Variants in MSL3 observed in about 807,000 individuals in gnomAD.
MSL3 encodes MSL3-like 1.
MSL3 carries 5 observed loss-of-function variants against 37.2 expected under a neutral mutation model. The ratio of observed to expected loss-of-function variants is 0.13; its 90% CI spans 0.07 to 0.28. MSL3 has a LOEUF of 0.28. Ranked by LOEUF, MSL3 falls within the 10% of genes least tolerant of loss-of-function variation. The pLI is 1.00. For synonymous variants in MSL3, 149 were observed against 147.6 expected (o/e 1.01, Z -0.07); for missense variants, 315 against 408.5 (o/e 0.77, Z 1.97).
At chrX:11,760,775 G>T (rs749140252) in intron 3 of MSL3, 62 bp from the exon 4 acceptor site, 2 of 873,866 alleles carry the variant, frequency 2.3e-6, no homozygotes, top group African/African-American at 2.1e-5. Flanking sequence ...ATCTTGTTTT[G>T]ATCTCAAGAC....
Position 11,772,670 on chromosome X carries a change from G to A in MSL3, c.1431G>A (p.Leu477=), listed in dbSNP as rs758951175. Residue 477 remains leucine, a synonymous_variant, in exon 12 of 13, where the codon CTG becomes CTA. Coordinates refer to ENST00000312196, the MANE Select transcript of MSL3 (RefSeq NM_078629.4). ...LGKMSFSEKN[L]KALLKHFDLF... ...AGATGTCCTTTTCTGAGAAGAATCT[G>A]AAGGCTTTATTGAAGCACTTTGATC... The A allele has an allele frequency of 8.4e-7, 1 of 1,193,491 alleles. No individual in the cohort carries two copies. Among genetic ancestry groups the A allele is most frequent in the Non-Finnish European group, 1.1e-6 (1 of 881,933 alleles).
intron 1 of MSL3, 157 bp from the exon 2 acceptor site, chrX:11,759,633 TGGG>T: frequency 9.2e-7 from 1 of 1,091,250 alleles, no homozygotes; most frequent in Non-Finnish European, 1.2e-6. Context: ...GGCGTCCACT[TGGG>T]GGAAAAAAAT....
intron 10 of MSL3, 95 bp downstream of exon 10, chrX:11,768,777 G>A (rs2053207541): frequency 1.7e-6 from 1 of 574,073 alleles, no homozygotes; most frequent in South Asian, 2.7e-5. Flanking sequence ...GCATCATGTT[G>A]CTGCTATTAC....
At chrX:11,771,613 C>G (rs951422838) in intron 10 of MSL3, among the ~76,000 whole-genome samples, 2 of 112,552 alleles carry the variant, frequency 1.8e-5, no homozygotes, top group Non-Finnish European at 3.8e-5. Context: ...GAGTTTCACT[C>G]TTGTTGCCCA....
chrX:11,767,871 T>G, intron 9 of MSL3: 2 of 753,825 alleles, frequency 2.7e-6, no homozygotes, highest in Non-Finnish European at 3.1e-6. Flanking sequence ...ATGTAAGTGG[T>G]TAATAAGGAT....
intron 5 of MSL3, 103 bp from the exon 6 acceptor site, chrX:11,762,027 A>G: frequency 3.2e-6 from 2 of 631,151 alleles, no homozygotes; most frequent in Non-Finnish European, 4.7e-6. Context: ...GTGGCATACT[A>G]TGATTGTTGA....
intron 10 of MSL3, among the ~76,000 whole-genome samples, chrX:11,769,442 C>T (rs1427190049): frequency 8.9e-6 from 1 of 112,155 alleles, no homozygotes. Flanking sequence ...TTTTTAAGGC[C>T]CATTAGGTGA....
chrX:11,760,121 T>C, intron 2 of MSL3: 1 of 386,750 alleles, frequency 2.6e-6, no homozygotes, highest in East Asian at 4.2e-5. Flanking sequence ...GTTTGATTCA[T>C]TTCCTGTTTT....
At chrX:11,762,760 C>A in intron 6 of MSL3, 77 bp from the exon 7 acceptor site, 1 of 965,240 alleles carries the variant, frequency 1.0e-6, no homozygotes, top group Non-Finnish European at 1.4e-6. Flanking sequence ...ATGATACAGA[C>A]ATGACCAGTG....
chrX:11,775,505 T>G lies in MSL3; in HGVS notation c.*426T>G, dbSNP rs894851223. Reference sequence around the variant, plus strand: ...CTGTCCAAAAAGGTTTAGTTTGTACTCGGAAACCACAAAGTAGTCTCAAAG... The same window carrying G: ...CTGTCCAAAAAGGTTTAGTTTGTACGCGGAAACCACAAAGTAGTCTCAAAG... On this transcript the variant is annotated 3_prime_UTR_variant, in exon 13 of 13. Coordinates refer to ENST00000312196, the MANE Select transcript of MSL3 (RefSeq NM_078629.4). 3 of 115,483 alleles carry G rather than the reference T, an allele frequency of 2.6e-5. No individual in the cohort carries two copies. Among genetic ancestry groups the G allele is most frequent in the African/African-American group, 9.6e-5 (3 of 31,094 alleles). 9.5% of individuals were successfully genotyped at this position (115,483 alleles called of 1,213,427 possible). A position where few individuals can be genotyped will look rare whatever the true frequency, so the allele number is the denominator to read the frequency against.
intron 11 of MSL3, 142 bp downstream of exon 11, chrX:11,772,397 G>A: frequency 2.0e-6 from 1 of 507,471 alleles, no homozygotes; most frequent in Non-Finnish European, 3.2e-6. Context: ...ATCTATCAAA[G>A]AAAAGGCATT....
chrX:11,761,775 T>C (rs1203746561), intron 5 of MSL3, among the ~76,000 whole-genome samples, 193 bp downstream of exon 5: 1 of 112,389 alleles, frequency 8.9e-6, no homozygotes, highest in Non-Finnish European at 1.9e-5. Context: ...AGTGGCTCTT[T>C]ATGCCCCTAA....
intron 6 of MSL3, 39 bp from the exon 7 acceptor site, chrX:11,762,798 T>C: frequency 8.8e-7 from 1 of 1,138,064 alleles, no homozygotes; most frequent in Non-Finnish European, 1.2e-6. Flanking sequence ...TTTGTTACAT[T>C]AGGATGCATA....
rs998573011 is a variant in MSL3 at position 11,761,491 on chromosome X, T to G, written c.383-9T>G. 1 of 1,172,441 alleles carries G rather than the reference T, an allele frequency of 8.5e-7. No homozygotes were observed. The highest frequency in any genetic ancestry group is 1.1e-6 in the Non-Finnish European group (1 of 869,672). ...ATGCGAGTTTACCGGATGCTTTTGTTTCACCTAGCATTAAGCAGTTCCTCT... is the reference window on the plus strand; with the variant it reads ...ATGCGAGTTTACCGGATGCTTTTGTGTCACCTAGCATTAAGCAGTTCCTCT... On this transcript the variant is annotated splice_polypyrimidine_tract_variant and intron_variant, in intron 4 of 12. Coordinates refer to ENST00000312196, the MANE Select transcript of MSL3 (RefSeq NM_078629.4).
intron 9 of MSL3, chrX:11,767,296 T>A (rs1328184900): frequency 4.0e-6 from 3 of 741,840 alleles, no homozygotes; most frequent in Admixed American, 8.7e-5. Flanking sequence ...GGTGCTTTTT[T>A]AAAACAGCTT....
intron 9 of MSL3, chrX:11,766,768 A>G (rs1035285154): frequency 2.7e-6 from 2 of 753,166 alleles, no homozygotes; most frequent in African/African-American, 4.6e-5. Context: ...CAAGCACCCA[A>G]CTCCAGAGAT....
chrX:11,766,432 T>G (rs2053184175), intron 9 of MSL3: 2 of 753,606 alleles, frequency 2.7e-6, no homozygotes, highest in African/African-American at 4.6e-5. Flanking sequence ...GAAACTAACA[T>G]TAGCTATTAT....
rs140170166 is a variant in MSL3 at position 11,765,494 on chromosome X, G to A, written c.936G>A (p.Pro312=). Residue 312 remains proline, a synonymous_variant, in exon 9 of 13, where the codon CCG becomes CCA. Transcript: ENST00000312196. The part of the protein sequence containing the change: ...NRSQEELSPS[P]PLLNPSTPQS... ...GCCAGGAGGAACTCTCTCCCAGTCC[G>A]CCTTTGTTGAATCCATCCACGCCAC... The A allele has an allele frequency of 9.2e-6, 11 of 1,197,739 alleles. No individual in the cohort carries two copies. Among genetic ancestry groups the A allele is most frequent in the East Asian group, 3.0e-5 (1 of 33,630 alleles).
rs955684331 is a variant in MSL3 at position 11,760,368 on chromosome X, C to G, written c.186-35C>G. On this transcript the variant is annotated intron_variant, in intron 2 of 12. Transcript: ENST00000312196. ...CTTTTAGTCGTTGTTTCATATCAAA[C>G]TAAAGTACTGAATTTTCCTTTTTTG... The G allele has an allele frequency of 6.6e-6, 7 of 1,055,594 alleles. No homozygotes were observed. The African/African-American group carries it at 7.5e-5, about 11-fold the overall frequency. The allele number at this position is 1,055,594 out of a possible 1,213,427, so 87.0% of individuals were successfully genotyped here. A position where few individuals can be genotyped will look rare whatever the true frequency, so the allele number is the denominator to read the frequency against.
Sources: gnomAD v4.1 joint callset for allele counts (sites outside exome capture counted in the v4.1 genomes callset) on GRCh38, gnomAD v4.1.1 for gene constraint, MANE v1.5 for transcripts, NCBI Gene and HGNC (gene_info 2026-07-23, HGNC 2026-07-21) for gene names.